HEMK2: variants seen among roughly 807,000 people sequenced by gnomAD.
The protein encoded by HEMK2 is methyltransferase HEMK2.
At chr21:28,626,599 C>G in the HEMK2 span, 10 of 152,184 alleles carry the variant, frequency 6.6e-5, no homozygotes, top group Non-Finnish European at 1.0e-4. Flanking sequence ...AATCCCAATG[C>G]TTTGGGAGGC....
At chr21:28,834,391 G>C in the HEMK2 span, among the ~76,000 whole-genome samples, 9 of 152,154 alleles carry the variant, frequency 5.9e-5, no homozygotes, top group East Asian at 3.9e-4. Flanking sequence ...ACTCCCACTG[G>C]AGAAGCTGAA....
At chr21:28,715,004 G>A in the HEMK2 span, among the ~76,000 whole-genome samples, 19 of 152,236 alleles carry the variant, frequency 1.2e-4, no homozygotes, top group East Asian at 3.5e-3. Context: ...ACATTCCATG[G>A]TGTATATGTA....
chr21:28,600,562 C>T, the HEMK2 span, among the ~76,000 whole-genome samples: 4 of 152,214 alleles, frequency 2.6e-5, no homozygotes, highest in African/African-American at 7.2e-5. Flanking sequence ...CTCTGACATG[C>T]CCTGGAGACA....
the HEMK2 span, among the ~76,000 whole-genome samples, chr21:28,740,269 T>C: frequency 6.6e-6 from 1 of 152,248 alleles, no homozygotes; most frequent in African/African-American, 2.4e-5. Flanking sequence ...TTTTGTCTAT[T>C]TGTGTAGCCC....
the HEMK2 span, among the ~76,000 whole-genome samples, chr21:28,759,396 T>C: frequency 6.6e-6 from 1 of 152,216 alleles, no homozygotes; most frequent in African/African-American, 2.4e-5. Context: ...CCAATGCCTG[T>C]ACCCCCACTG....
the HEMK2 span, among the ~76,000 whole-genome samples, chr21:28,647,870 G>A: frequency 6.6e-6 from 1 of 152,250 alleles, no homozygotes; most frequent in Non-Finnish European, 1.5e-5. Flanking sequence ...GCAAGAACAA[G>A]AGGGAGTGAT....
chr21:28,726,354 T>C, the HEMK2 span, among the ~76,000 whole-genome samples: 1 of 152,088 alleles, frequency 6.6e-6, no homozygotes, highest in Non-Finnish European at 1.5e-5. Context: ...TGGAAAATCA[T>C]CTCAATGAAA....
At chr21:28,704,378 C>T in the HEMK2 span, among the ~76,000 whole-genome samples, 90 of 152,250 alleles carry the variant, frequency 5.9e-4, no homozygotes, top group African/African-American at 1.8e-3. Context: ...TCAAACAAAA[C>T]GCATGGCTGG....
the HEMK2 span, among the ~76,000 whole-genome samples, chr21:28,881,838 A>G: frequency 6.6e-6 from 1 of 152,036 alleles, no homozygotes; most frequent in African/African-American, 2.4e-5. Flanking sequence ...AGTTCTCACT[A>G]TATTGTACAA....
the HEMK2 span, among the ~76,000 whole-genome samples, chr21:28,720,287 C>T: frequency 6.6e-6 from 1 of 152,218 alleles, no homozygotes; most frequent in African/African-American, 2.4e-5. Context: ...CCCTGTATTT[C>T]CCCTAGGAGC....
the HEMK2 span, among the ~76,000 whole-genome samples, chr21:28,610,443 A>G: frequency 6.6e-6 from 1 of 152,328 alleles, no homozygotes; most frequent in East Asian, 1.9e-4. Flanking sequence ...ACACCAAAAT[A>G]GAACCTCCCA....
chr21:28,611,394 C>T, the HEMK2 span, among the ~76,000 whole-genome samples: 2 of 152,124 alleles, frequency 1.3e-5, no homozygotes, highest in African/African-American at 4.8e-5. Context: ...TTGGATACTG[C>T]AACCGATATT....
chr21:28,592,639 G>T, the HEMK2 span, among the ~76,000 whole-genome samples: 1 of 152,114 alleles, frequency 6.6e-6, no homozygotes, highest in Non-Finnish European at 1.5e-5. Context: ...TATCCCTAGG[G>T]GACTCATTTC....
the HEMK2 span, among the ~76,000 whole-genome samples, chr21:28,753,211 G>A: frequency 6.6e-6 from 1 of 152,098 alleles, no homozygotes; most frequent in Non-Finnish European, 1.5e-5. Flanking sequence ...AACAAAATTA[G>A]CCAGGCATGG....
chr21:28,639,361 T>C, the HEMK2 span, among the ~76,000 whole-genome samples: 2 of 152,244 alleles, frequency 1.3e-5, no homozygotes. Flanking sequence ...GAGAAGAATG[T>C]GGATCAATTT....
chr21:28,594,753 G>A, the HEMK2 span, among the ~76,000 whole-genome samples: 1 of 152,106 alleles, frequency 6.6e-6, no homozygotes, highest in Admixed American at 6.5e-5. Flanking sequence ...AGTTGTTTTT[G>A]TGTCATTGAA....
At chr21:28,688,168 C>G in the HEMK2 span, among the ~76,000 whole-genome samples, 1 of 152,234 alleles carries the variant, frequency 6.6e-6, no homozygotes, top group Non-Finnish European at 1.5e-5. Flanking sequence ...AAACCTCTCT[C>G]AAACTGCATA....
the HEMK2 span, among the ~76,000 whole-genome samples, chr21:28,616,923 G>C: frequency 1.3e-5 from 2 of 152,122 alleles, no homozygotes; most frequent in Non-Finnish European, 2.9e-5. Flanking sequence ...AAACCATCAG[G>C]TACCAAGCAC....
At chr21:28,763,365 G>A in the HEMK2 span, among the ~76,000 whole-genome samples, 1 of 152,152 alleles carries the variant, frequency 6.6e-6, no homozygotes, top group South Asian at 2.1e-4. Flanking sequence ...GAACAAGCAT[G>A]TCATATGGTG....
Sources: allele counts gnomAD v4.1 joint callset (sites outside exome capture counted in the v4.1 genomes callset), GRCh38; gene constraint gnomAD v4.1.1; transcripts MANE v1.5; gene names NCBI Gene and HGNC (gene_info 2026-07-23, HGNC 2026-07-21).